Variants in MSH6 observed in about 807,000 individuals in gnomAD.
MSH6 encodes the protein mutS homolog 6.
In MSH6, 85 loss-of-function variants were observed where a neutral mutation model predicts 119.1. The ratio of observed to expected loss-of-function variants is 0.71; its 90% CI spans 0.60 to 0.85. The LOEUF is 0.85. MSH6 is among the 40% of genes least tolerant of loss of function. The pLI is 0.00. For synonymous variants in MSH6, 830 were observed against 586.9 expected, an observed-to-expected ratio of 1.41 and a Z score of -5.99; for missense variants, 2,163 against 1,655.3, an observed-to-expected ratio of 1.31 and a Z score of -5.32.
chr2:47,788,402 C>G (rs1312462036), intron 1 of MSH6, among the ~76,000 whole-genome samples: 1 of 150,172 alleles, frequency 6.7e-6, no homozygotes, highest in African/African-American at 2.4e-5. Context: ...TTACAGATGC[C>G]CGCCACCATG....
At chr2:47,791,221 T>A (rs1310873375) in intron 2 of MSH6, 98 bp downstream of exon 2, 2 of 1,196,634 alleles carry the variant, frequency 1.7e-6, no homozygotes, top group Non-Finnish European at 1.2e-6. Flanking sequence ...ATGATGAAAT[T>A]AAGTGTATTT....
Position 47,783,239 on chromosome 2 carries a change from G to C in MSH6, c.6G>C (p.Ser2=), listed in dbSNP as rs1437951642. The stretch of plus-strand genomic sequence containing the variant: ...GGGCCTTGCCGGCTGTCGGTATGTC[G>C]CGACAGAGCACCCTGTACAGCTTCT... M[S]RQSTLYSFFP... is the part of the protein sequence containing the mutation. The change falls in exon 1 of 10, where the codon TCG becomes TCC. Residue 2 remains serine (S), a synonymous_variant. Transcript: ENST00000234420. The C allele has an allele frequency of 1.2e-6, 2 of 1,611,476 alleles. No individual in the cohort carries two copies. Among genetic ancestry groups the C allele is most frequent in the Non-Finnish European group, 1.7e-6 (2 of 1,179,384 alleles).
At chr2:47,801,242 G>GAA in intron 4 of MSH6, 87 bp downstream of exon 4, 1 of 1,368,686 alleles carries the variant, frequency 7.3e-7, no homozygotes, top group Non-Finnish European at 1.0e-6. Flanking sequence ...AAGTAATAAG[G>GAA]TATATATGGT....
Position 47,783,269 on chromosome 2 carries a change from C to G in MSH6, c.36C>G (p.Pro12=), listed in dbSNP as rs760533525. 1.9e-6 allele frequency: 3 copies of G among 1,612,230 alleles called. No individual in the cohort carries two copies. The highest frequency in any genetic ancestry group is 2.5e-6 in the Non-Finnish European group (3 of 1,179,596). Reference sequence around the variant, plus strand: ...AGAGCACCCTGTACAGCTTCTTCCCCAAGTCTCCGGCGCTGAGTGATGCCA... The same window carrying G: ...AGAGCACCCTGTACAGCTTCTTCCCGAAGTCTCCGGCGCTGAGTGATGCCA... ...SRQSTLYSFF[P]KSPALSDANK... Residue 12 remains proline, a synonymous_variant, in exon 1 of 10, where the codon CCC becomes CCG. Transcript: ENST00000234420.
intron 1 of MSH6, among the ~76,000 whole-genome samples, chr2:47,785,445 T>C (rs1468117247): frequency 1.3e-5 from 2 of 151,348 alleles, no homozygotes; most frequent in Non-Finnish European, 2.9e-5. Context: ...TTGAAACTGC[T>C]GACCTCAAGT....
intron 3 of MSH6, among the ~76,000 whole-genome samples, 196 bp downstream of exon 3, chr2:47,796,259 C>T (rs541963937): frequency 7.9e-5 from 12 of 152,298 alleles, no homozygotes; most frequent in African/African-American, 1.7e-4. Flanking sequence ...CAGCTAGCAT[C>T]GTTTTTACTT....
Position 47,795,944 on chromosome 2 carries a change from C to G in MSH6, c.508C>G (p.Pro170Ala). The G allele has an allele frequency of 6.2e-7, 1 of 1,614,030 alleles. No individual in the cohort carries two copies. The highest frequency in any genetic ancestry group is 8.5e-7 in the Non-Finnish European group (1 of 1,180,000). The part of the protein sequence containing the change: ...QKGGHFYSAK[P>A]EILRAMQRAD... ...GGGAGGTCATTTTTACAGTGCAAAG[C>G]CTGAAATACTGAGAGCAATGCAACG... Residue 170 changes from proline (P) to alanine (A), a missense_variant, in exon 3 of 10, where the codon CCT becomes GCT. Coordinates refer to ENST00000234420, the MANE Select transcript of MSH6 (RefSeq NM_000179.3).
chr2:47,809,840 G>T, downstream of MSH6: 1 of 586,224 alleles, frequency 1.7e-6, no homozygotes, highest in Non-Finnish European at 3.0e-6. Flanking sequence ...TGAATAAAAT[G>T]TAGATACCTA....
downstream of MSH6, chr2:47,809,166 A>G: frequency 2.6e-6 from 4 of 1,567,972 alleles, no homozygotes; most frequent in Non-Finnish European, 3.5e-6. Flanking sequence ...ACCTGTAGAA[A>G]TCATGCATGG....
intron 3 of MSH6, among the ~76,000 whole-genome samples, chr2:47,796,932 C>T (rs1304395194): frequency 7.2e-5 from 11 of 152,062 alleles, no homozygotes; most frequent in African/African-American, 1.7e-4. Flanking sequence ...GAGCCAAGAT[C>T]GCACCACTGC....
chr2:47,805,930 A>G (rs564720647), intron 7 of MSH6, among the ~76,000 whole-genome samples: 37 of 152,318 alleles, frequency 2.4e-4, no homozygotes, highest in African/African-American at 8.9e-4. Context: ...TTTAGTTGTA[A>G]TAAAACATTT....
chr2:47,803,710 A>T (rs769959747), intron 5 of MSH6, 25 bp downstream of exon 5: 2 of 1,613,954 alleles, frequency 1.2e-6, no homozygotes, highest in African/African-American at 1.3e-5. Context: ...AAGTTTTGTT[A>T]TCAGAAAGTC....
At chr2:47,787,912 T>C (rs189670101) in intron 1 of MSH6, among the ~76,000 whole-genome samples, 4 of 152,122 alleles carry the variant, frequency 2.6e-5, no homozygotes, top group Non-Finnish European at 5.9e-5. Context: ...CTGGCCTATT[T>C]TGGCATTCTT....
At chr2:47,804,836 G>A (rs549837660) in intron 5 of MSH6, 74 bp from the exon 6 acceptor site, 49 of 1,124,168 alleles carry the variant, frequency 4.4e-5, no homozygotes, top group Middle Eastern at 2.0e-4. Context: ...TTACGTAAGG[G>A]TTCATAAGAA....
In MSH6 at chr2:47,800,193, C is replaced by T. The variant is rs869312798; in HGVS notation, c.2210C>T (p.Ala737Val). The change falls in exon 4 of 10, where the codon GCA becomes GTA. Residue 737 changes from alanine to valine, a missense_variant. Coordinates refer to ENST00000234420, the MANE Select transcript of MSH6 (RefSeq NM_000179.3). Reference sequence around the variant, plus strand: ...GCCTATCAACGAATGGTGCTAGATGCAGTGACATTAAACAACTTGGAGATT... The same window carrying T: ...GCCTATCAACGAATGGTGCTAGATGTAGTGACATTAAACAACTTGGAGATT... ...TKAYQRMVLDAVTLNNLEIFL... is the reference protein window; with the variant it reads ...TKAYQRMVLDVVTLNNLEIFL... The T allele has an allele frequency of 1.9e-6, 3 of 1,614,028 alleles. No homozygotes were observed. The highest frequency in any genetic ancestry group is 2.7e-5 in the African/African-American group (2 of 74,908).
intron 9 of MSH6, 21 bp from the exon 10 acceptor site, chr2:47,806,758 T>G (rs1445490940): frequency 3.2e-6 from 5 of 1,579,346 alleles, no homozygotes; most frequent in Non-Finnish European, 4.3e-6. Flanking sequence ...AAACTTTTTT[T>G]TTTTTTTTTT....
rs769018957 is a variant in MSH6 at position 47,800,530 on chromosome 2, A to C, written c.2547A>C (p.Thr849=). The stretch of plus-strand genomic sequence containing the variant: ...GGGCTATAATGTATGAAGAAACTAC[A>C]TACAGCAAGAAGAAGATTATTGATT... ...DSRAIMYEET[T]YSKKKIIDFL... Residue 849 remains threonine (T), a synonymous_variant, in exon 4 of 10, where the codon ACA becomes ACC. Transcript: ENST00000234420. 6.2e-7 allele frequency: 1 copy of C among 1,613,488 alleles called. No individual in the cohort carries two copies. Among genetic ancestry groups the C allele is most frequent in the Non-Finnish European group, 8.5e-7 (1 of 1,179,866 alleles).
In MSH6 at chr2:47,806,502, G is replaced by T. The variant is rs2229018; in HGVS notation, c.3852G>T (p.Thr1284=). 2.5e-6 allele frequency: 4 copies of T among 1,613,974 alleles called. No homozygotes were observed. The highest frequency in any genetic ancestry group is 3.3e-5 in the Admixed American group (2 of 59,992). ...AAGACCCCAGCCAGGAGACTATTAC[G>T]TTCCTCTATAAATTCATTAAGGGAG... ...ECEDPSQETI[T]FLYKFIKGAC... Residue 1284 remains threonine, a synonymous_variant, in exon 9 of 10, where the codon ACG becomes ACT. Coordinates refer to ENST00000234420, the MANE Select transcript of MSH6 (RefSeq NM_000179.3).
downstream of MSH6, chr2:47,809,244 T>C (rs747839269): frequency 6.3e-7 from 1 of 1,593,222 alleles, no homozygotes; most frequent in East Asian, 2.2e-5. Flanking sequence ...CTATGGCATC[T>C]TGATTGTTCA....
Sources: gnomAD v4.1 joint callset for allele counts (sites outside exome capture counted in the v4.1 genomes callset) on GRCh38, gnomAD v4.1.1 for gene constraint, MANE v1.5 for transcripts, NCBI Gene and HGNC (gene_info 2026-07-23, HGNC 2026-07-21) for gene names.